The following ASIC2 variants were observed in gnomAD, a reference collection of about 807,000 sequenced individuals.
ASIC2 encodes the protein acid sensing ion channel subunit 2, also known as acid-sensing ion channel 2.
ASIC2 carries 25 observed loss-of-function variants against 57.3 expected under a neutral mutation model. That is an observed-to-expected ratio of 0.44 (90% confidence interval 0.32 to 0.61). ASIC2 has a LOEUF of 0.61. Ranked by LOEUF, ASIC2 falls within the 20% of genes least tolerant of loss-of-function variation. ASIC2 has a pLI of 0.06. For synonymous variants in ASIC2, 319 were observed against 307.5 expected (o/e 1.04, Z -0.39); for missense variants, 641 against 738.1 (o/e 0.87, Z 1.52).
At chr17:33,375,966 T>C (rs1244363721) in intron 1 of ASIC2, among the ~76,000 whole-genome samples, 2 of 152,200 alleles carry the variant, frequency 1.3e-5, no homozygotes, top group Non-Finnish European at 1.5e-5. Flanking sequence ...ATGAGTTTAA[T>C]ATGTCTGTTA....
intron 1 of ASIC2, among the ~76,000 whole-genome samples, chr17:33,157,998 C>T (rs960328482): frequency 1.3e-5 from 2 of 152,196 alleles, no homozygotes; most frequent in African/African-American, 4.8e-5. Context: ...CCTCCCCCAG[C>T]ATTGACATGG....
chr17:33,299,441 C>A (rs1253814209), intron 1 of ASIC2, among the ~76,000 whole-genome samples: 2 of 152,170 alleles, frequency 1.3e-5, no homozygotes, highest in African/African-American at 4.8e-5. Flanking sequence ...TATTCCTACA[C>A]CCTTCCCTTC....
intron 1 of ASIC2, among the ~76,000 whole-genome samples, chr17:33,579,801 AAC>A (rs1211456855): frequency 1.3e-5 from 2 of 151,992 alleles, no homozygotes; most frequent in African/African-American, 4.8e-5. Context: ...CACCGTGAAA[AAC>A]ACCCCTTGGA....
In ASIC2 at chr17:33,023,933, A is replaced by G. The variant is rs780660791; in HGVS notation, c.1277T>C (p.Met426Thr). Residue 426 changes from methionine (M) to threonine (T), a missense_variant, in exon 6 of 10, where the codon ATG (methionine) becomes ACG (threonine). By Grantham distance (81) the Met-to-Thr change is moderately conservative (BLOSUM62 -1). This residue lies in a region of ASIC2 where 252 missense variants were observed against 319.8 expected (regional missense o/e 0.79). Coordinates refer to ENST00000225823, the MANE Select transcript of ASIC2 (RefSeq NM_183377.2). ...NLTRYNKELS[M>T]VKIPSKTSAK... ...TGATGTCTTGCTGGGGATCTTCACCATGGAGAGCTCTTTGTTGTAGCGGGT... is the reference window on the plus strand; with the variant it reads ...TGATGTCTTGCTGGGGATCTTCACCGTGGAGAGCTCTTTGTTGTAGCGGGT... 29 of 1,614,012 alleles carry G rather than the reference A, an allele frequency of 1.8e-5. No homozygotes were observed. Among genetic ancestry groups the G allele is most frequent in the Non-Finnish European group, 1.9e-5 (23 of 1,180,036 alleles).
intron 1 of ASIC2, among the ~76,000 whole-genome samples, chr17:33,630,942 A>G (rs1239792662): frequency 6.6e-6 from 1 of 152,248 alleles, no homozygotes; most frequent in Non-Finnish European, 1.5e-5. Flanking sequence ...TCTCACCAAA[A>G]GGGTGAGACC....
chr17:33,436,867 T>C (rs1911635092), intron 1 of ASIC2, among the ~76,000 whole-genome samples: 1 of 117,226 alleles, frequency 8.5e-6, no homozygotes, highest in East Asian at 2.3e-4. Context: ...TTTTTTTTTT[T>C]TTTTTTTTTT....
chr17:33,141,806 A>G (rs976066962), intron 1 of ASIC2, among the ~76,000 whole-genome samples: 7 of 152,242 alleles, frequency 4.6e-5, no homozygotes, highest in Non-Finnish European at 7.3e-5. Flanking sequence ...CTGTTAACTC[A>G]TCATGTTTCC....
At chr17:33,201,745 C>G (rs975971100) in intron 1 of ASIC2, among the ~76,000 whole-genome samples, 1 of 152,100 alleles carries the variant, frequency 6.6e-6, no homozygotes. Flanking sequence ...AAGCTGCTGT[C>G]TAGGCTGGGC....
intron 1 of ASIC2, among the ~76,000 whole-genome samples, chr17:33,974,203 T>C (rs1271131214): frequency 6.6e-6 from 1 of 152,164 alleles, no homozygotes; most frequent in Non-Finnish European, 1.5e-5. Context: ...TCAGGAGCCC[T>C]GCAGTCTATT....
At chr17:33,505,704 C>T (rs1914228063) in intron 1 of ASIC2, among the ~76,000 whole-genome samples, 2 of 152,192 alleles carry the variant, frequency 1.3e-5, no homozygotes, top group African/African-American at 2.4e-5. Flanking sequence ...ATCTTCTAGC[C>T]TCCTAGTCTC....
At chr17:33,562,130 C>G (rs1259703280) in intron 1 of ASIC2, among the ~76,000 whole-genome samples, 1 of 152,236 alleles carries the variant, frequency 6.6e-6, no homozygotes, top group African/African-American at 2.4e-5. Flanking sequence ...TCAAAGGCCG[C>G]TTCCTTTGTG....
chr17:33,570,172 T>C (rs1916386389), intron 1 of ASIC2, among the ~76,000 whole-genome samples: 1 of 152,228 alleles, frequency 6.6e-6, no homozygotes, highest in Non-Finnish European at 1.5e-5. Context: ...ACTCACCCTT[T>C]GGGTTTTTGA....
At position 34,156,407 on chromosome 17, in the gene ASIC2, A is replaced by G; in HGVS notation, c.126T>C (p.Arg42=). ...CCACGAAGGCCACTGCCCACAGCAC[A>G]CGCCGGATGGTCAGCGGCCCATACA... is the stretch of plus-strand genomic sequence containing the variant. The change falls in exon 1 of 10, where the codon CGT becomes CGC. Residue 42 remains arginine (R), a synonymous_variant. Transcript: ENST00000359872. This position sits in a 1 kb window ranked among gnomAD's most constrained non-coding sequence, Gnocchi z 4.4. The G allele has an allele frequency of 6.2e-7, 1 of 1,614,192 alleles. No individual in the cohort carries two copies. The highest frequency in any genetic ancestry group is 8.5e-7 in the Non-Finnish European group (1 of 1,180,048).
At chr17:33,414,560 G>A (rs933327981) in intron 1 of ASIC2, among the ~76,000 whole-genome samples, 11 of 152,152 alleles carry the variant, frequency 7.2e-5, no homozygotes, top group Admixed American at 1.3e-4. Flanking sequence ...GGGGGTCAAG[G>A]CCTGCCTTGG....
rs1915619980 is a variant in ASIC2 at position 33,547,578 on chromosome 17, C to G, written c.556-435511G>C. ...CTAATCTCCTACAAGCCCTCCTGCT[C>G]TCTGCCATTGGACCTATGGATAGTC... On this transcript the variant is annotated intron_variant, in intron 1 of 9. Coordinates refer to the ASIC2 transcript ENST00000359872. Among the ~76,000 whole-genome samples, 5 of 152,328 alleles carry G rather than the reference C, an allele frequency of 3.3e-5. No individual in the cohort carries two copies. The South Asian group carries it at 1.0e-3, about 32-fold the overall frequency.
chr17:34,098,902 T>C (rs1420511224), intron 1 of ASIC2, among the ~76,000 whole-genome samples: 1 of 151,982 alleles, frequency 6.6e-6, no homozygotes, highest in Non-Finnish European at 1.5e-5. Context: ...ATAAGTGATT[T>C]CCATACCGTG....
intron 1 of ASIC2, among the ~76,000 whole-genome samples, chr17:33,851,720 C>A (rs117292058): frequency 3.3e-4 from 50 of 152,212 alleles, no homozygotes; most frequent in Non-Finnish European, 6.2e-4. Context: ...CAGTAGTATC[C>A]CCAGTTGTGA....
intron 1 of ASIC2, among the ~76,000 whole-genome samples, chr17:33,549,246 G>A (rs912515693): frequency 3.9e-5 from 6 of 152,148 alleles, no homozygotes; most frequent in Admixed American, 6.5e-5. Context: ...AGGATACTTT[G>A]AACATGCAGA....
intron 3 of ASIC2, among the ~76,000 whole-genome samples, chr17:33,040,406 A>G (rs1049326843): frequency 2.0e-5 from 3 of 152,194 alleles, no homozygotes; most frequent in African/African-American, 4.8e-5. Context: ...GAAGAGCACT[A>G]TTGGGGCAGG....
Sources: allele counts gnomAD v4.1 joint callset (sites outside exome capture counted in the v4.1 genomes callset), GRCh38; gene constraint gnomAD v4.1.1; regional missense constraint gnomAD v4.1.1; non-coding constraint Gnocchi (gnomAD v3.1); transcripts MANE v1.5; gene names NCBI Gene and HGNC (gene_info 2026-07-23, HGNC 2026-07-21).